Variants in AVEN observed in about 807,000 individuals in gnomAD.
AVEN encodes the protein apoptosis and caspase activation inhibitor, also known as cell death regulator Aven.
In AVEN, 41 loss-of-function variants were observed where a neutral mutation model predicts 38.1. That is an observed-to-expected ratio of 1.08 (90% confidence interval 0.84 to 1.40). The LOEUF (loss-of-function observed/expected upper bound fraction) is 1.40, where lower values mean the gene tolerates loss of function less well. Ranked by LOEUF, AVEN falls within the 40% of genes most tolerant of loss-of-function variation. The probability of loss-of-function intolerance (pLI) is 0.00; values close to 1 mark genes in which losing one functional copy is unlikely to be tolerated. For missense variants in AVEN, 605 were observed against 438.8 expected, an observed-to-expected ratio of 1.38 and a Z score of -3.38; for synonymous variants, 206 against 171.8, an observed-to-expected ratio of 1.20 and a Z score of -1.56.
chr15:34,073,034 T>C (rs1476311020), intron 1 of AVEN, among the ~76,000 whole-genome samples: 1 of 420 alleles, frequency 2.4e-3, no homozygotes, highest in African/African-American at 0.01. Flanking sequence ...TACAGACACT[T>C]TTTTTTTTTC....
chr15:34,053,310 A>AT (rs1900003097), intron 5 of AVEN, among the ~76,000 whole-genome samples: 1 of 106,570 alleles, frequency 9.4e-6, no homozygotes, highest in African/African-American at 3.4e-5. Context: ...AAAAAAAAAA[A>AT]AAAAAAAAAA....
intron 5 of AVEN, chr15:34,062,509 C>G (rs1378961491): frequency 2.0e-6 from 1 of 505,250 alleles, no homozygotes; most frequent in Admixed American, 4.0e-5. Context: ...GAGCTGAGAT[C>G]GCACCACTGC....
chr15:34,029,102 G>A (rs879738447), intron 1 of AVEN, among the ~76,000 whole-genome samples: 7 of 152,062 alleles, frequency 4.6e-5, no homozygotes, highest in Non-Finnish European at 1.0e-4. Flanking sequence ...CACCAGAGTA[G>A]ACATTCATTC....
chr15:33,902,560 TG>T (rs1213822471), intron 2 of AVEN, among the ~76,000 whole-genome samples: 8 of 152,212 alleles, frequency 5.3e-5, no homozygotes, highest in Non-Finnish European at 7.4e-5. Context: ...AACATAGTAC[TG>T]GAAATACTAG....
intron 2 of AVEN, among the ~76,000 whole-genome samples, chr15:33,992,661 G>C (rs989374988): frequency 3.5e-4 from 1 of 2,828 alleles, no homozygotes; most frequent in African/African-American, 4.5e-4. Context: ...TACCATACAA[G>C]AAGAGGGAAA....
chr15:33,863,650 TGATGAAAACAAAACTATAGTTCTG>T (rs1889347973), downstream of AVEN, among the ~76,000 whole-genome samples: 1 of 152,096 alleles, frequency 6.6e-6, no homozygotes, highest in South Asian at 2.1e-4. Context: ...CAGCTATTTA[TGATGAAAACAAAACTATAGTTCTG>T]GAAGAATCTC....
At chr15:33,899,789 A>C (rs1892414116) in intron 2 of AVEN, among the ~76,000 whole-genome samples, 8 of 151,974 alleles carry the variant, frequency 5.3e-5, no homozygotes, top group Admixed American at 5.2e-4. Context: ...TCTATCCTTA[A>C]CTTGCAAGCT....
chr15:33,965,272 T>C (rs1487017028), intron 2 of AVEN, among the ~76,000 whole-genome samples: 8 of 152,168 alleles, frequency 5.3e-5, no homozygotes, highest in Admixed American at 2.0e-4. Flanking sequence ...AGAAACAGCT[T>C]CCATAAGTCC....
At chr15:34,062,700 T>C (rs368608312) in intron 5 of AVEN, 5 of 1,590,592 alleles carry the variant, frequency 3.1e-6, no homozygotes, top group Admixed American at 1.7e-5. Context: ...CTATTTACTG[T>C]AAAATTTTTG....
intron 1 of AVEN, among the ~76,000 whole-genome samples, chr15:34,021,459 A>G (rs1898196456): frequency 1.3e-5 from 2 of 151,862 alleles, no homozygotes; most frequent in South Asian, 4.2e-4. Flanking sequence ...CTAAGTTTGT[A>G]TTTTTAGTAT....
chr15:33,866,304 T>TGCTATGCTGTAAACACTG lies in AVEN; in HGVS notation c.*291_*308dup, dbSNP rs1375939917. 1.5e-5 allele frequency: 5 copies of TGCTATGCTGTAAACACTG among 330,922 alleles called. No individual in the cohort carries two copies. The East Asian group carries it at 1.6e-4, about 11-fold the overall frequency. 20.5% of individuals were successfully genotyped at this position (330,922 alleles called of 1,614,324 possible). On this transcript the variant is annotated 3_prime_UTR_variant, in exon 6 of 6. Transcript: ENST00000306730. ...TATTCTCTTAATCAGCAGCAGCATC[T>TGCTATGCTGTAAACACTG]GCTATGCTGTAAACACTGGCTATGT...
At chr15:34,002,817 T>C (rs1258399221) in intron 2 of AVEN, among the ~76,000 whole-genome samples, 3 of 152,196 alleles carry the variant, frequency 2.0e-5, no homozygotes, top group African/African-American at 4.8e-5. Context: ...GCAAAGACTT[T>C]AGTCATTCTA....
intron 2 of AVEN, among the ~76,000 whole-genome samples, chr15:33,966,899 G>A (rs1256610743): frequency 1.3e-5 from 2 of 152,006 alleles, no homozygotes; most frequent in Admixed American, 6.6e-5. Flanking sequence ...TATAGTCATC[G>A]ATCCTCATAA....
intron 5 of AVEN, among the ~76,000 whole-genome samples, chr15:34,049,645 C>T (rs969134342): frequency 6.6e-6 from 1 of 152,068 alleles, no homozygotes; most frequent in African/African-American, 2.4e-5. Context: ...CCCAACCTAG[C>T]AAGTCAGGCC....
At chr15:34,028,314 C>T (rs2140747957) in intron 1 of AVEN, among the ~76,000 whole-genome samples, 1 of 152,268 alleles carries the variant, frequency 6.6e-6, no homozygotes, top group Non-Finnish European at 1.5e-5. Context: ...CCTGTAGTCC[C>T]AGCACTTTGG....
intron 1 of AVEN, among the ~76,000 whole-genome samples, chr15:34,033,651 A>G (rs542457327): frequency 6.6e-6 from 1 of 152,360 alleles, no homozygotes; most frequent in Admixed American, 6.5e-5. Flanking sequence ...AAGACATGAA[A>G]TGGTAACCAC....
chr15:33,892,561 G>C (rs983794370), intron 2 of AVEN, among the ~76,000 whole-genome samples: 12 of 152,134 alleles, frequency 7.9e-5, no homozygotes, highest in Non-Finnish European at 1.6e-4. Context: ...ATTTCTGAGG[G>C]CTTTGTTCTG....
intron 1 of AVEN, among the ~76,000 whole-genome samples, chr15:34,015,488 T>TA (rs61057225): frequency 0.13 from 19,063 of 150,244 alleles, 1,569 homozygotes; most frequent in African/African-American, 0.22. Flanking sequence ...TCTCAAAAAA[T>TA]AAAAAAAAAT....
At chr15:33,936,270 T>C (rs1235788741) in intron 2 of AVEN, among the ~76,000 whole-genome samples, 2 of 152,194 alleles carry the variant, frequency 1.3e-5, no homozygotes, top group African/African-American at 2.4e-5. Flanking sequence ...GCAGACTACA[T>C]GGAAAAATGC....
Sources: gnomAD v4.1 joint callset for allele counts (sites outside exome capture counted in the v4.1 genomes callset) on GRCh38, gnomAD v4.1.1 for gene constraint, MANE v1.5 for transcripts, NCBI Gene and HGNC (gene_info 2026-07-23, HGNC 2026-07-21) for gene names.